Variants in MYO3B observed in about 807,000 individuals in gnomAD.
MYO3B encodes myosin-IIIb.
In MYO3B, 156 loss-of-function variants were observed where a neutral mutation model predicts 174.6. The observed-to-expected ratio is 0.89, with a 90% CI of 0.78 to 1.02. The LOEUF (loss-of-function observed/expected upper bound fraction) is 1.02, where lower values mean the gene tolerates loss of function less well. Ranked by LOEUF, MYO3B falls within the 50% of genes least tolerant of loss-of-function variation. The pLI, the probability that MYO3B is intolerant of heterozygous loss-of-function variation, is 0.00. For synonymous variants in MYO3B, 563 were observed against 569.1 expected (o/e 0.99, Z 0.15); for missense variants, 1,632 against 1,639.4 (o/e 1.00, Z 0.08).
At chr2:170,192,100 A>T (rs1489322377) in intron 1 of MYO3B, among the ~76,000 whole-genome samples, 1 of 152,178 alleles carries the variant, frequency 6.6e-6, no homozygotes, top group Non-Finnish European at 1.5e-5. Flanking sequence ...AACCATAAAT[A>T]GCATTGGAAT....
chr2:170,404,439 C>A, intron 20 of MYO3B, 39 bp downstream of exon 20: 2 of 1,556,716 alleles, frequency 1.3e-6, no homozygotes, highest in Non-Finnish European at 1.7e-6. Flanking sequence ...ACATTTAGAA[C>A]AAAACTTGGC....
chr2:170,316,141 T>C (rs1392697575), intron 7 of MYO3B, among the ~76,000 whole-genome samples: 3 of 152,230 alleles, frequency 2.0e-5, no homozygotes, highest in Non-Finnish European at 4.4e-5. Context: ...TGTTATGATC[T>C]TCAAAACTTC....
intron 32 of MYO3B, among the ~76,000 whole-genome samples, chr2:170,624,365 C>G (rs192352303): frequency 6.6e-6 from 1 of 150,948 alleles, no homozygotes; most frequent in African/African-American, 2.4e-5. Flanking sequence ...CATGATTTGT[C>G]TGTCTGTTAT....
intron 23 of MYO3B, among the ~76,000 whole-genome samples, chr2:170,444,678 T>C (rs1440128382): frequency 1.3e-5 from 2 of 152,240 alleles, no homozygotes; most frequent in Non-Finnish European, 2.9e-5. Context: ...TTAATACTGT[T>C]GAATAGTATT....
At chr2:170,232,303 A>G (rs1329639158) in intron 6 of MYO3B, among the ~76,000 whole-genome samples, 1 of 152,230 alleles carries the variant, frequency 6.6e-6, no homozygotes, top group Non-Finnish European at 1.5e-5. Context: ...TATTGGATTG[A>G]TAGGGAATCC....
intron 16 of MYO3B, among the ~76,000 whole-genome samples, chr2:170,399,232 A>G (rs1448684028): frequency 8.3e-6 from 1 of 121,008 alleles, no homozygotes; most frequent in East Asian, 2.5e-4. Context: ...ACAAGAGCGA[A>G]ATTCCGTCTC....
intron 32 of MYO3B, among the ~76,000 whole-genome samples, chr2:170,637,288 C>T (rs1697590818): frequency 6.6e-6 from 1 of 151,624 alleles, no homozygotes; most frequent in African/African-American, 2.4e-5. Context: ...TCTCCTGCCT[C>T]ACCCTCCCGA....
At chr2:170,326,978 T>C (rs2105511397) in intron 7 of MYO3B, among the ~76,000 whole-genome samples, 1 of 152,352 alleles carries the variant, frequency 6.6e-6, no homozygotes, top group South Asian at 2.1e-4. Context: ...GAATGGTTTA[T>C]TATGAACTGG....
At chr2:170,467,218 T>G (rs569964848) in intron 25 of MYO3B, among the ~76,000 whole-genome samples, 2 of 152,302 alleles carry the variant, frequency 1.3e-5, no homozygotes, top group Non-Finnish European at 1.5e-5. Flanking sequence ...ATCCCCATTT[T>G]ACAAAACGTA....
At chr2:170,410,621 C>T (rs569195956) in intron 22 of MYO3B, among the ~76,000 whole-genome samples, 2 of 147,780 alleles carry the variant, frequency 1.4e-5, no homozygotes, top group East Asian at 2.0e-4. Context: ...ACTTGGGAAA[C>T]CTTAGAGGCA....
intron 32 of MYO3B, chr2:170,640,491 C>T (rs1403244806): frequency 2.6e-5 from 4 of 152,326 alleles, no homozygotes; most frequent in Admixed American, 1.3e-4. Flanking sequence ...CCCCAACACA[C>T]GTTTCTCAAA....
intron 25 of MYO3B, among the ~76,000 whole-genome samples, chr2:170,497,773 T>G (rs1686974453): frequency 6.6e-6 from 1 of 151,860 alleles, no homozygotes; most frequent in Non-Finnish European, 1.5e-5. Context: ...TGAACTTGGA[T>G]GGGTGAGGAA....
At chr2:170,336,625 A>G (rs1025893521) in intron 8 of MYO3B, among the ~76,000 whole-genome samples, 1 of 152,158 alleles carries the variant, frequency 6.6e-6, no homozygotes, top group African/African-American at 2.4e-5. Flanking sequence ...ATCTTACTTG[A>G]TGTGAATATT....
At chr2:170,502,780 G>A (rs1387513749) in intron 28 of MYO3B, among the ~76,000 whole-genome samples, 2 of 152,190 alleles carry the variant, frequency 1.3e-5, no homozygotes, top group South Asian at 2.1e-4. Flanking sequence ...ACATACAGCT[G>A]AGCTTGAAGG....
chr2:170,548,902 C>G lies in MYO3B; in HGVS notation c.3733+4914C>G, dbSNP rs138438282. ...CTCTCTCAACACAAAGCTGATGTTT[C>G]TTGCTGTTGTTAATGAGCTGACTTT... On this transcript the variant is annotated intron_variant, in intron 32 of 34. Transcript: ENST00000408978. Among the ~76,000 whole-genome samples, 618 of 152,262 alleles carry G rather than the reference C, an allele frequency of 4.1e-3. 6 individuals carry two copies. The highest frequency in any genetic ancestry group is 0.014 in the Middle Eastern group (4 of 294).
At chr2:170,421,673 C>T (rs1251900163) in intron 22 of MYO3B, among the ~76,000 whole-genome samples, 1 of 152,168 alleles carries the variant, frequency 6.6e-6, no homozygotes, top group Non-Finnish European at 1.5e-5. Context: ...TCTGGACAGC[C>T]CCAGGAGGAA....
chr2:170,451,093 A>G (rs747966104), intron 23 of MYO3B, among the ~76,000 whole-genome samples: 2 of 152,198 alleles, frequency 1.3e-5, no homozygotes, highest in Non-Finnish European at 2.9e-5. Context: ...AACAAAAACC[A>G]TATTCCCATG....
intron 30 of MYO3B, among the ~76,000 whole-genome samples, chr2:170,527,862 T>C (rs187012191): frequency 1.3e-5 from 2 of 152,360 alleles, no homozygotes; most frequent in Admixed American, 6.5e-5. Flanking sequence ...TAATAAACTT[T>C]AGGGCTGAAA....
At chr2:170,463,111 A>G (rs1235195142) in intron 23 of MYO3B, among the ~76,000 whole-genome samples, 2 of 152,272 alleles carry the variant, frequency 1.3e-5, no homozygotes, top group African/African-American at 4.8e-5. Flanking sequence ...TAGAAGATGT[A>G]GAAGTATAGA....
Sources: allele counts gnomAD v4.1 joint callset (sites outside exome capture counted in the v4.1 genomes callset), GRCh38; gene constraint gnomAD v4.1.1; transcripts MANE v1.5; gene names NCBI Gene and HGNC (gene_info 2026-07-23, HGNC 2026-07-21).